SEPTIN9: variants seen among roughly 807,000 people sequenced by gnomAD.
SEPTIN9 encodes septin-9.
In SEPTIN9, 13 loss-of-function variants were observed where a neutral mutation model predicts 56.6. The ratio of observed to expected loss-of-function variants is 0.23; its 90% confidence interval spans 0.15 to 0.37. The LOEUF is 0.37. Among genes scored for constraint, SEPTIN9 ranks in the 10% least tolerant of loss-of-function variants. The probability of loss-of-function intolerance (pLI) is 1.00; values close to 1 mark genes in which losing one functional copy is unlikely to be tolerated. For synonymous variants in SEPTIN9, 332 were observed against 334.1 expected, an observed-to-expected ratio of 0.99 and a Z score of 0.07; for missense variants, 650 against 823.1, an observed-to-expected ratio of 0.79 and a Z score of 2.57.
rs139941025 is a variant in SEPTIN9 at position 77,322,360 on chromosome 17, G to T, written c.76+15163G>T. ...AGGACAGCACAGCCAGGGATGAAGCGGGGACCTCCCCTCGGGCTGTGCCTT... is the reference window on the plus strand; with the variant it reads ...AGGACAGCACAGCCAGGGATGAAGCTGGGACCTCCCCTCGGGCTGTGCCTT... On this transcript the variant is annotated intron_variant, in intron 2 of 11. Transcript: ENST00000427177. Among the ~76,000 whole-genome samples, 76 of 152,348 alleles carry T rather than the reference G, an allele frequency of 5.0e-4. No individual in the cohort carries two copies. The East Asian group carries it at 0.012, about 23-fold the overall frequency.
chr17:77,284,079 G>T (rs971146109), intron 1 of SEPTIN9, among the ~76,000 whole-genome samples: 18 of 130,822 alleles, frequency 1.4e-4, no homozygotes, highest in African/African-American at 5.5e-4. Flanking sequence ...GGCCAGGTGC[G>T]CTTGAAGTCC....
chr17:77,327,932 C>T lies in SEPTIN9; in HGVS notation c.76+20735C>T, dbSNP rs879678045. 3.2e-4 allele frequency among the ~76,000 whole-genome samples: 49 copies of T among 151,876 alleles called. No individual in the cohort carries two copies. Among genetic ancestry groups the T allele is most frequent in the Non-Finnish European group, 4.7e-4 (32 of 67,914 alleles). ...GCAGGAGGCGTCCCCGTGCCTAGGG[C>T]ATCCCGATGCTCAGAGTTTCCCCGT... On this transcript the variant is annotated intron_variant, in intron 2 of 11. Coordinates refer to ENST00000427177, the MANE Select transcript of SEPTIN9 (RefSeq NM_001113491.2). This position sits in a 1 kb window ranked among gnomAD's most constrained non-coding sequence, Gnocchi z 5.0.
intron 2 of SEPTIN9, among the ~76,000 whole-genome samples, chr17:77,338,171 T>C (rs184859342): frequency 1.3e-3 from 198 of 152,028 alleles, no homozygotes; most frequent in African/African-American, 4.6e-3. Flanking sequence ...TACTCCAGAC[T>C]GGGTGACAGG....
At chr17:77,364,298 C>G (rs1056340182) in intron 2 of SEPTIN9, among the ~76,000 whole-genome samples, 5 of 152,218 alleles carry the variant, frequency 3.3e-5, no homozygotes, top group African/African-American at 1.2e-4. Context: ...CATGGGGGCA[C>G]TGCAGGGCAC....
intron 2 of SEPTIN9, chr17:77,373,368 C>A: frequency 8.3e-7 from 1 of 1,207,608 alleles, no homozygotes; most frequent in Non-Finnish European, 1.0e-6. Flanking sequence ...GGCCTAGGGG[C>A]TCCTCCGGCG....
At chr17:77,409,876 T>C (rs2036232857) in intron 3 of SEPTIN9, among the ~76,000 whole-genome samples, 1 of 152,136 alleles carries the variant, frequency 6.6e-6, no homozygotes, top group Non-Finnish European at 1.5e-5. Context: ...GGGCCCAAAG[T>C]GTGGGCAGCC....
At chr17:77,488,194 G>A (rs775460871) in intron 5 of SEPTIN9, 46 bp from the exon 6 acceptor site, 1 of 1,578,786 alleles carries the variant, frequency 6.3e-7, no homozygotes, top group South Asian at 1.1e-5. Context: ...GTGTCTGTGA[G>A]GGTCTTCCGT....
rs974365606 is a variant in SEPTIN9, at chr17:77,389,382, G to A, written c.77-12677G>A. ...CTGTCTCCAGAATCGAGGACGGAGA[G>A]CTGCCAGAGAGGCCCTGGCGGGGTG... On this transcript the variant is annotated intron_variant, in intron 2 of 11. Coordinates refer to ENST00000427177, the MANE Select transcript of SEPTIN9 (RefSeq NM_001113491.2). This position sits in a 1 kb window ranked among gnomAD's most constrained non-coding sequence, Gnocchi z 4.3. Among the ~76,000 whole-genome samples the A allele has an allele frequency of 2.0e-5, 3 of 152,160 alleles. No homozygotes were observed. The highest frequency in any genetic ancestry group is 7.2e-5 in the African/African-American group (3 of 41,446).
At chr17:77,474,742 G>A (rs1432091621) in intron 3 of SEPTIN9, among the ~76,000 whole-genome samples, 1 of 152,166 alleles carries the variant, frequency 6.6e-6, no homozygotes, top group African/African-American at 2.4e-5. Flanking sequence ...TACTCGCTTT[G>A]CGACCCTCAT....
chr17:77,415,564 G>A (rs532142676), intron 3 of SEPTIN9, among the ~76,000 whole-genome samples: 1 of 150,844 alleles, frequency 6.6e-6, no homozygotes, highest in South Asian at 2.1e-4. Flanking sequence ...GGAGGTGGAG[G>A]TTGCAGTGAG....
At chr17:77,447,467 T>C (rs1352450064) in intron 3 of SEPTIN9, among the ~76,000 whole-genome samples, 1 of 152,214 alleles carries the variant, frequency 6.6e-6, no homozygotes, top group East Asian at 1.9e-4. Context: ...CCAGATCCCA[T>C]GGCCTGTGGC....
At chr17:77,299,295 A>G (rs2031939711) in intron 1 of SEPTIN9, among the ~76,000 whole-genome samples, 1 of 152,210 alleles carries the variant, frequency 6.6e-6, no homozygotes, top group African/African-American at 2.4e-5. Flanking sequence ...CTGTCAATCC[A>G]TCACTCCATT....
At chr17:77,422,118 A>G (rs2036727134) in intron 3 of SEPTIN9, among the ~76,000 whole-genome samples, 1 of 152,196 alleles carries the variant, frequency 6.6e-6, no homozygotes, top group Admixed American at 6.5e-5. Context: ...TTGGCCTGCC[A>G]AAGTGCTGGG....
chr17:77,492,405 T>A lies in SEPTIN9; in HGVS notation c.1381-216T>A, dbSNP rs2040068512. 6.6e-6 allele frequency among the ~76,000 whole-genome samples: 1 copy of A among 151,044 alleles called. No homozygotes were observed. Among genetic ancestry groups the A allele is most frequent in the Admixed American group, 6.6e-5 (1 of 15,184 alleles). ...ACGATGACCTTAAGCCCCTGGGGAG[T>A]TGCAGCGTCGCTCAGGACAGCAGGT... On this transcript the variant is annotated intron_variant, in intron 8 of 11. Coordinates refer to ENST00000427177, the MANE Select transcript of SEPTIN9 (RefSeq NM_001113491.2). The surrounding 1 kb of genome is among the most constrained non-coding windows in gnomAD (Gnocchi z 5.4).
chr17:77,333,643 A>C (rs2033442029), intron 2 of SEPTIN9, among the ~76,000 whole-genome samples: 1 of 152,236 alleles, frequency 6.6e-6, no homozygotes, highest in Non-Finnish European at 1.5e-5. Context: ...CTTTGTAAGA[A>C]ACCTTTGCCT....
At chr17:77,489,599 G>A (rs576325968) in intron 7 of SEPTIN9, among the ~76,000 whole-genome samples, 1 of 152,278 alleles carries the variant, frequency 6.6e-6, no homozygotes, top group South Asian at 2.1e-4. Flanking sequence ...GGGTGGAGAA[G>A]GTCCTTCGCA....
chr17:77,467,849 A>G (rs143044241), intron 3 of SEPTIN9, among the ~76,000 whole-genome samples: 123 of 152,318 alleles, frequency 8.1e-4, no homozygotes, highest in Admixed American at 1.4e-3. Context: ...CAGACTGGCC[A>G]TTCATTCATT....
intron 2 of SEPTIN9, among the ~76,000 whole-genome samples, chr17:77,386,842 C>G (rs1328537250): frequency 6.6e-6 from 1 of 152,254 alleles, no homozygotes; most frequent in Non-Finnish European, 1.5e-5. Flanking sequence ...GGCACAGTGC[C>G]TGCCCTGCCC....
At position 77,487,510 on chromosome 17, in the gene SEPTIN9, G is replaced by A. The variant is rs1222387079; in HGVS notation, c.1000G>A (p.Glu334Lys). The change falls in exon 5 of 12, where the codon GAG becomes AAG. Residue 334 changes from glutamate (E) to lysine (K), a missense_variant. Glu to Lys is a moderately conservative substitution (Grantham distance 56). Coordinates refer to ENST00000427177, the MANE Select transcript of SEPTIN9 (RefSeq NM_001113491.2). This position sits in a 1 kb window ranked among gnomAD's most constrained non-coding sequence, Gnocchi z 4.3. Reference protein sequence around the residue: ...SRKSVQPTSEERIPKTIEIKS... With the variant: ...SRKSVQPTSEKRIPKTIEIKS... ...GAAGTCGGTGCAGCCCACCTCAGAG[G>A]AGCGCATCCCCAAGACCATCGAGAT... 1 of 1,613,554 alleles carries A rather than the reference G, an allele frequency of 6.2e-7. No homozygotes were observed. Among genetic ancestry groups the A allele is most frequent in the Non-Finnish European group, 8.5e-7 (1 of 1,179,834 alleles).
Sources: allele counts gnomAD v4.1 joint callset (sites outside exome capture counted in the v4.1 genomes callset), GRCh38; gene constraint gnomAD v4.1.1; non-coding constraint Gnocchi (gnomAD v3.1); transcripts MANE v1.5; gene names NCBI Gene and HGNC (gene_info 2026-07-23, HGNC 2026-07-21).